The following NRXN3 variants were observed in gnomAD, a reference collection of about 807,000 sequenced individuals.
The protein encoded by NRXN3 is neurexin 3.
In NRXN3, 32 loss-of-function variants were observed where a neutral mutation model predicts 137.6. The observed-to-expected ratio is 0.23, with a 90% CI of 0.18 to 0.31. The LOEUF (loss-of-function observed/expected upper bound fraction) is 0.31, where lower values mean the gene tolerates loss of function less well. NRXN3 is among the 10% of genes least tolerant of loss of function. NRXN3 has a pLI of 1.00. For synonymous variants in NRXN3, 798 were observed against 784.5 expected (o/e 1.02, Z -0.29); for missense variants, 1,574 against 2,062.5 (o/e 0.76, Z 4.59).
chr14:78,911,563 T>C (rs1244477351), intron 10 of NRXN3, among the ~76,000 whole-genome samples: 2 of 152,202 alleles, frequency 1.3e-5, no homozygotes, highest in Admixed American at 1.3e-4. Context: ...TAAACACTTA[T>C]TAAAAGCCAG....
At chr14:79,091,643 G>T (rs1036378456) in intron 15 of NRXN3, among the ~76,000 whole-genome samples, 1 of 152,100 alleles carries the variant, frequency 6.6e-6, no homozygotes, top group African/African-American at 2.4e-5. Flanking sequence ...AAAGGTGATT[G>T]TTTAAGTCAG....
At chr14:79,489,655 C>T (rs1236809309) in intron 16 of NRXN3, among the ~76,000 whole-genome samples, 1 of 152,100 alleles carries the variant, frequency 6.6e-6, no homozygotes, top group African/African-American at 2.4e-5. Flanking sequence ...CAAATGTGAA[C>T]ATCTATGGAA....
At chr14:78,996,570 G>A (rs377139440) in intron 15 of NRXN3, among the ~76,000 whole-genome samples, 3 of 152,076 alleles carry the variant, frequency 2.0e-5, no homozygotes, top group African/African-American at 7.2e-5. Context: ...TATTCTTTTG[G>A]GGGGGATGCT....
At chr14:79,377,556 C>T (rs941538050) in intron 15 of NRXN3, among the ~76,000 whole-genome samples, 2 of 151,922 alleles carry the variant, frequency 1.3e-5, no homozygotes, top group African/African-American at 2.4e-5. Context: ...GAGTTCAAGA[C>T]CAGCCTGGCC....
rs201305686 is a variant in NRXN3 at position 78,803,800 on chromosome 14, G to A, written c.2225G>A (p.Arg742His). ...DTLRLELDGG[R>H]VKLMVNLDCI... is the part of the protein sequence containing the mutation. ...CTGCGTCTGGAGCTGGATGGGGGGC[G>A]TGTCAAGCTCATGGTTAACTTAGGT... The change falls in exon 9 of 21, where the codon CGT (arginine) becomes CAT (histidine). Residue 742 changes from arginine to histidine, a missense_variant. Arg to His is a conservative substitution (Grantham distance 29). Coordinates refer to ENST00000335750, the MANE Select transcript of NRXN3 (RefSeq NM_001330195.2). The A allele has an allele frequency of 5.6e-5, 90 of 1,613,808 alleles. No homozygotes were observed. Among genetic ancestry groups the A allele is most frequent in the Admixed American group, 1.8e-4 (11 of 60,012 alleles).
intron 16 of NRXN3, among the ~76,000 whole-genome samples, chr14:79,556,180 A>G (rs970927277): frequency 3.3e-5 from 5 of 152,138 alleles, no homozygotes; most frequent in Admixed American, 2.0e-4. Flanking sequence ...TGCAGCATCT[A>G]TTGTTAATGT....
intron 4 of NRXN3, among the ~76,000 whole-genome samples, chr14:78,508,886 A>G (rs1055937411): frequency 2.0e-5 from 3 of 152,220 alleles, no homozygotes; most frequent in Non-Finnish European, 2.9e-5. Context: ...CAACTAATCA[A>G]CTACGAGGTT....
At chr14:79,159,891 T>A (rs1384317112) in intron 15 of NRXN3, among the ~76,000 whole-genome samples, 2 of 151,950 alleles carry the variant, frequency 1.3e-5, no homozygotes, top group Non-Finnish European at 2.9e-5. Context: ...CATTTTTTTC[T>A]TATATGCGTT....
intron 16 of NRXN3, among the ~76,000 whole-genome samples, chr14:79,491,310 G>A (rs1473166489): frequency 2.0e-5 from 3 of 152,130 alleles, no homozygotes; most frequent in African/African-American, 7.2e-5. Flanking sequence ...AATCTGCTCA[G>A]TGAATTACTC....
chr14:79,002,258 G>T (rs759216831), intron 15 of NRXN3, among the ~76,000 whole-genome samples: 3 of 152,118 alleles, frequency 2.0e-5, no homozygotes, highest in Admixed American at 1.3e-4. Flanking sequence ...GGATGTACAG[G>T]TTTGTTACAT....
chr14:79,868,005 A>G lies in NRXN3; in HGVS notation c.*6041A>G, dbSNP rs575124169. On this transcript the variant is annotated 3_prime_UTR_variant, in exon 21 of 21. Coordinates refer to ENST00000335750, the MANE Select transcript of NRXN3 (RefSeq NM_001330195.2). ...ACATGGGTTCTAGAGTCAAAATGCC[A>G]TGGCTCATCTGGTACTGTAACTTAA... The G allele has an allele frequency of 1.3e-5, 2 of 152,072 alleles. No homozygotes were observed. Among genetic ancestry groups the G allele is most frequent in the African/African-American group, 2.4e-5 (1 of 41,486 alleles). The allele number at this position is 152,072 out of a possible 1,614,324, so 9.4% of individuals were successfully genotyped here.
At chr14:78,655,051 T>A (rs1366338069) in intron 6 of NRXN3, among the ~76,000 whole-genome samples, 1 of 152,018 alleles carries the variant, frequency 6.6e-6, no homozygotes, top group Non-Finnish European at 1.5e-5. Flanking sequence ...CTATGAAAAA[T>A]GGGTTAGAAA....
At chr14:78,924,621 C>T (rs1448181718) in intron 10 of NRXN3, among the ~76,000 whole-genome samples, 1 of 152,110 alleles carries the variant, frequency 6.6e-6, no homozygotes, top group East Asian at 1.9e-4. Flanking sequence ...GATAACAAAC[C>T]ATTGCCTTTC....
intron 4 of NRXN3, among the ~76,000 whole-genome samples, chr14:78,569,556 C>T (rs535770865): frequency 7.3e-5 from 11 of 150,796 alleles, no homozygotes; most frequent in East Asian, 4.0e-4. Flanking sequence ...TGAGCCACCG[C>T]GTCCGGCCGC....
At chr14:79,732,808 C>T (rs1026208843) in intron 19 of NRXN3, among the ~76,000 whole-genome samples, 2 of 152,156 alleles carry the variant, frequency 1.3e-5, no homozygotes, top group African/African-American at 2.4e-5. Context: ...AAATTTCTTT[C>T]ACTTTCTATA....
At chr14:78,232,885 GA>G (rs1279039789) in intron 1 of NRXN3, among the ~76,000 whole-genome samples, 2 of 152,218 alleles carry the variant, frequency 1.3e-5, no homozygotes, top group Admixed American at 6.5e-5. Context: ...GGAGGAGGCT[GA>G]AAAGTAAATG....
At chr14:79,046,432 T>C (rs1875595) in intron 15 of NRXN3, among the ~76,000 whole-genome samples, 76,565 of 152,072 alleles carry the variant, frequency 0.5, 22,523 homozygotes, top group East Asian at 0.78. Context: ...GATTATGGTC[T>C]TCAAGACTTG....
chr14:78,806,697 T>C (rs986163108), intron 9 of NRXN3, among the ~76,000 whole-genome samples: 5 of 152,222 alleles, frequency 3.3e-5, no homozygotes, highest in Admixed American at 2.6e-4. Flanking sequence ...CTAACAGGTA[T>C]GAGAAATATC....
rs574408950 is a variant in NRXN3 at position 78,942,348 on chromosome 14, C to A, written c.2276-14894C>A. ...ACTCTTAACTCTTCCTGTCTTAACACTGAGCCTCTACTTTCAGCTTTGGGA... is the reference window on the plus strand; with the variant it reads ...ACTCTTAACTCTTCCTGTCTTAACAATGAGCCTCTACTTTCAGCTTTGGGA... On this transcript the variant is annotated intron_variant, in intron 10 of 20. Coordinates refer to ENST00000335750, the MANE Select transcript of NRXN3 (RefSeq NM_001330195.2). Among the ~76,000 whole-genome samples the A allele has an allele frequency of 1.9e-3, 288 of 152,338 alleles. 1 individual carries two copies. The highest frequency in any genetic ancestry group is 6.7e-3 in the African/African-American group (280 of 41,574).
Sources: allele counts gnomAD v4.1 joint callset (sites outside exome capture counted in the v4.1 genomes callset), GRCh38; gene constraint gnomAD v4.1.1; transcripts MANE v1.5; gene names NCBI Gene and HGNC (gene_info 2026-07-23, HGNC 2026-07-21).